NALCN: variants seen among roughly 807,000 people sequenced by gnomAD.
NALCN encodes sodium leak channel NALCN.
A neutral mutation model predicts 225.3 loss-of-function variants in NALCN; 111 were observed. The ratio of observed to expected loss-of-function variants is 0.49; its 90% CI spans 0.42 to 0.58. NALCN has a LOEUF of 0.58. NALCN is among the 20% of genes least tolerant of loss of function. The pLI is 0.00. For synonymous variants in NALCN, 764 were observed against 769.0 expected, an observed-to-expected ratio of 0.99 and a Z score of 0.11; for missense variants, 1,378 against 2,202.4, an observed-to-expected ratio of 0.63 and a Z score of 7.49.
intron 7 of NALCN, among the ~76,000 whole-genome samples, chr13:101,337,881 C>T (rs1439822602): frequency 3.9e-5 from 6 of 152,260 alleles, no homozygotes; most frequent in African/African-American, 7.2e-5. Context: ...CTTCCAAATG[C>T]GGCTGGTAAG....
intron 6 of NALCN, among the ~76,000 whole-genome samples, chr13:101,373,315 G>A (rs570061810): frequency 1.3e-5 from 2 of 152,204 alleles, no homozygotes; most frequent in South Asian, 4.1e-4. Flanking sequence ...TATGAGGACA[G>A]CATTACCCGG....
chr13:101,194,570 T>G (rs2039814185), intron 13 of NALCN, among the ~76,000 whole-genome samples: 1 of 152,214 alleles, frequency 6.6e-6, no homozygotes, highest in African/African-American at 2.4e-5. Flanking sequence ...CTGTGCTCTT[T>G]ATTTATTCAA....
intron 15 of NALCN, among the ~76,000 whole-genome samples, chr13:101,164,027 T>C (rs989527648): frequency 6.6e-6 from 1 of 152,120 alleles, no homozygotes; most frequent in African/African-American, 2.4e-5. Context: ...GTCTCTTCTC[T>C]TTTTATGAGG....
intron 7 of NALCN, among the ~76,000 whole-genome samples, chr13:101,316,675 T>C (rs576352128): frequency 3.5e-4 from 53 of 152,332 alleles, no homozygotes; most frequent in African/African-American, 8.9e-4. Context: ...ATACCTGTAC[T>C]CTGGAAAATT....
intron 11 of NALCN, among the ~76,000 whole-genome samples, chr13:101,239,342 G>A (rs2041677290): frequency 6.6e-6 from 1 of 151,774 alleles, no homozygotes; most frequent in South Asian, 2.1e-4. Context: ...CTATGAAGTT[G>A]TTAAAAATAA....
chr13:101,176,175 C>G, intron 15 of NALCN, 125 bp downstream of exon 15: 1 of 536,326 alleles, frequency 1.9e-6, no homozygotes, highest in Non-Finnish European at 3.0e-6. Flanking sequence ...CATTTTACCA[C>G]CTTCGATAGC....
rs1426944195 is a variant in NALCN at position 101,258,464 on chromosome 13, G to T, written c.1245C>A (p.Tyr415Ter). 2 of 1,614,076 alleles carry T rather than the reference G, an allele frequency of 1.2e-6. No homozygotes were observed. Among genetic ancestry groups the T allele is most frequent in the Admixed American group, 1.7e-5 (1 of 60,014 alleles). ...TTACCTCCGCCAGGTAGAACTCGTC[G>T]TACTGCCTCCTGAAGTTTTCTCCTT... ...YYKGENFRRQYDEFYLAEVAF... is the reference protein window; with the variant it reads ...YYKGENFRRQ Residue 415 changes from tyrosine to a stop codon, truncating the protein, a stop_gained, in exon 11 of 44, where the codon TAC becomes TAA. Transcript: ENST00000251127. LOFTEE classifies it high-confidence loss of function.
chr13:101,128,697 A>T (rs1157816034), intron 17 of NALCN, among the ~76,000 whole-genome samples: 1 of 152,048 alleles, frequency 6.6e-6, no homozygotes, highest in East Asian at 1.9e-4. Context: ...AGCTGGGACT[A>T]CAGGCGTGTG....
intron 6 of NALCN, among the ~76,000 whole-genome samples, chr13:101,355,372 G>GA (rs35686654): frequency 0.54 from 78,484 of 146,646 alleles, 21,314 homozygotes; most frequent in African/African-American, 0.69. Flanking sequence ...CAAATGGAAA[G>GA]AAAAAAAAAA....
chr13:101,207,874 CTT>C (rs1448935190), intron 13 of NALCN, among the ~76,000 whole-genome samples: 20 of 152,226 alleles, frequency 1.3e-4, no homozygotes, highest in Admixed American at 1.2e-3. Context: ...GCTGCTCACT[CTT>C]TGGGTCCGCA....
intron 11 of NALCN, among the ~76,000 whole-genome samples, chr13:101,251,911 T>C (rs944517382): frequency 1.3e-5 from 2 of 152,320 alleles, no homozygotes; most frequent in African/African-American, 4.8e-5. Flanking sequence ...TTAATACATA[T>C]TTAGTCTACC....
At chr13:101,221,968 C>A (rs949171034) in intron 13 of NALCN, among the ~76,000 whole-genome samples, 1 of 152,180 alleles carries the variant, frequency 6.6e-6, no homozygotes, top group African/African-American at 2.4e-5. Context: ...CTCACTCCCA[C>A]CCCAGACCTT....
At chr13:101,118,752 G>T (rs532995673) in intron 18 of NALCN, among the ~76,000 whole-genome samples, 1 of 152,062 alleles carries the variant, frequency 6.6e-6, no homozygotes, top group African/African-American at 2.4e-5. Flanking sequence ...CAAATGCTAA[G>T]AAAAAAATTG....
chr13:101,215,793 G>T (rs2040708332), intron 13 of NALCN, among the ~76,000 whole-genome samples: 1 of 152,030 alleles, frequency 6.6e-6, no homozygotes. Flanking sequence ...CCACGTTGGT[G>T]TGCTGCACCC....
chr13:101,218,905 A>G (rs928785389), intron 13 of NALCN, among the ~76,000 whole-genome samples: 4 of 152,086 alleles, frequency 2.6e-5, no homozygotes, highest in Non-Finnish European at 5.9e-5. Context: ...ATATTTCTTT[A>G]TAGCAATGTG....
intron 3 of NALCN, among the ~76,000 whole-genome samples, chr13:101,388,906 C>CTACA (rs1470841379): frequency 6.6e-6 from 1 of 152,234 alleles, no homozygotes; most frequent in Non-Finnish European, 1.5e-5. Flanking sequence ...CCAATAACCA[C>CTACA]TACACACAAG....
chr13:101,152,923 A>C (rs1426350162), intron 15 of NALCN, among the ~76,000 whole-genome samples: 1 of 152,128 alleles, frequency 6.6e-6, no homozygotes, highest in East Asian at 1.9e-4. Context: ...TGTCAACTAG[A>C]TACTTGGTTC....
chr13:101,307,434 A>G (rs1359314876), intron 7 of NALCN, among the ~76,000 whole-genome samples: 2 of 152,224 alleles, frequency 1.3e-5, no homozygotes, highest in Non-Finnish European at 2.9e-5. Context: ...ATTAAAAATG[A>G]AAAGACTGTG....
At chr13:101,146,492 C>G (rs913140768) in intron 15 of NALCN, among the ~76,000 whole-genome samples, 1 of 152,156 alleles carries the variant, frequency 6.6e-6, no homozygotes, top group Non-Finnish European at 1.5e-5. Context: ...TGATTCCACA[C>G]ACGAGTAAAG....
Sources: allele counts gnomAD v4.1 joint callset (sites outside exome capture counted in the v4.1 genomes callset), GRCh38; gene constraint gnomAD v4.1.1; transcripts MANE v1.5; gene names NCBI Gene and HGNC (gene_info 2026-07-23, HGNC 2026-07-21).